AKAP11: variants seen among roughly 807,000 people sequenced by gnomAD.
The protein encoded by AKAP11 is A-kinase anchor protein 11.
AKAP11 carries 36 observed loss-of-function variants against 146.1 expected under a neutral mutation model. That is an observed-to-expected ratio of 0.25 (90% CI 0.19 to 0.33). The LOEUF (loss-of-function observed/expected upper bound fraction) is 0.33. AKAP11 is among the 10% of genes least tolerant of loss of function. AKAP11 has a pLI of 1.00. For synonymous variants in AKAP11, 780 were observed against 786.5 expected, an observed-to-expected ratio of 0.99 and a Z score of 0.14; for missense variants, 2,201 against 2,197.0, an observed-to-expected ratio of 1.00 and a Z score of -0.04.
At position 42,300,407 on chromosome 13, in the gene AKAP11, C is replaced by T; in HGVS notation, c.1661C>T (p.Ala554Val). 7.4e-6 allele frequency: 12 copies of T among 1,612,382 alleles called. No homozygotes were observed. Among genetic ancestry groups the T allele is most frequent in the Non-Finnish European group, 1.0e-5 (12 of 1,179,628 alleles). Residue 554 changes from alanine to valine, a missense_variant, in exon 8 of 13, where the codon GCA (alanine) becomes GTA (valine). Around this residue, in one of 3 missense-constraint regions of AKAP11, gnomAD observed 1,867 missense variants for 1,833.5 expected, o/e 1.02. Coordinates refer to ENST00000025301, the MANE Select transcript of AKAP11 (RefSeq NM_016248.4). ...LMIKDSIQKF[A>V]ADLVEKSFGS... The stretch of plus-strand genomic sequence containing the variant: ...ATTAAAGATAGCATTCAAAAATTTG[C>T]AGCAGATCTTGTGGAAAAAAGTTTT...
At chr13:42,283,283 A>T (rs1405892737) in intron 1 of AKAP11, among the ~76,000 whole-genome samples, 3 of 152,258 alleles carry the variant, frequency 2.0e-5, no homozygotes, top group South Asian at 4.1e-4. Context: ...AGTGAAACAG[A>T]GTGTAAATAT....
chr13:42,312,140 C>T (rs1459566818), intron 9 of AKAP11, among the ~76,000 whole-genome samples: 5 of 152,054 alleles, frequency 3.3e-5, no homozygotes, highest in Admixed American at 1.3e-4. Context: ...TGGGAAAAAT[C>T]GCTGCTTATC....
chr13:42,272,911 A>G lies in AKAP11; in HGVS notation c.-100+683A>G, dbSNP rs1262506078. 9.2e-5 allele frequency among the ~76,000 whole-genome samples: 14 copies of G among 152,378 alleles called. No individual in the cohort carries two copies. In the East Asian group the frequency reaches 2.7e-3, roughly 29 times the overall value. On this transcript the variant is annotated intron_variant, in intron 1 of 12. Coordinates refer to ENST00000025301, the MANE Select transcript of AKAP11 (RefSeq NM_016248.4). ...AAAAATATGTAGATGTAACCGAAGT[A>G]TTAAAAAGTGACAATGACAGTAAAA... is the stretch of plus-strand genomic sequence containing the variant.
rs367580025 is a variant in AKAP11, at chr13:42,320,052, C to T, written c.*824C>T. On this transcript the variant is annotated 3_prime_UTR_variant, in exon 13 of 13. Transcript: ENST00000025301. ...TTTAAAAAGGTGCTTTAAAATAAAA[C>T]GCCTATAAAGATTGTGCAGTAAGAA... The T allele has an allele frequency of 2.0e-5, 3 of 152,346 alleles. No individual in the cohort carries two copies. Among genetic ancestry groups the T allele is most frequent in the Non-Finnish European group, 4.4e-5 (3 of 68,002 alleles). The allele number at this position is 152,346 out of a possible 1,614,324, so 9.4% of individuals were successfully genotyped here. A position where few individuals can be genotyped will look rare whatever the true frequency, so the allele number is the denominator to read the frequency against.
At chr13:42,276,862 G>A (rs1176347723) in intron 1 of AKAP11, among the ~76,000 whole-genome samples, 1 of 152,088 alleles carries the variant, frequency 6.6e-6, no homozygotes, top group Non-Finnish European at 1.5e-5. Flanking sequence ...TGCCTTTTCA[G>A]CAATATACTC....
In AKAP11 at chr13:42,292,448, A is replaced by G. The variant is rs778827008; in HGVS notation, c.115A>G (p.Ser39Gly). The G allele has an allele frequency of 1.1e-5, 18 of 1,595,928 alleles. No homozygotes were observed. The highest frequency in any genetic ancestry group is 1.5e-5 in the Non-Finnish European group (17 of 1,167,500). Residue 39 changes from serine to glycine, a missense_variant, in exon 4 of 13, where the codon AGT (serine) becomes GGT (glycine). Transcript: ENST00000025301. ...ATTGCAGAGTCAGAAGGAACTATGC[A>G]GTGTAACAGCAGAGGACTGTTTACA... is the stretch of plus-strand genomic sequence containing the variant. The part of the protein sequence containing the change: ...SLLQSQKELC[S>G]VTAEDCLQQD...
chr13:42,307,692 G>A (rs1167550982), intron 8 of AKAP11, among the ~76,000 whole-genome samples: 1 of 152,090 alleles, frequency 6.6e-6, no homozygotes, highest in African/African-American at 2.4e-5. Context: ...CATAGGAGGA[G>A]TGGGCCAGGG....
In AKAP11 at chr13:42,275,292, A is replaced by G. The variant is rs183266460; in HGVS notation, c.-100+3064A>G. ...GATTTGCATGAGACTTTGGTTTGCC[A>G]TGATGCCAACATCAGACTCACTGAC... On this transcript the variant is annotated intron_variant, in intron 1 of 12. Coordinates refer to ENST00000025301, the MANE Select transcript of AKAP11 (RefSeq NM_016248.4). 1.4e-4 allele frequency among the ~76,000 whole-genome samples: 22 copies of G among 152,366 alleles called. No homozygotes were observed. In the East Asian group the frequency reaches 4.0e-3, roughly 28 times the overall value.
chr13:42,312,951 C>T, intron 9 of AKAP11, 96 bp from the exon 10 acceptor site: 1 of 964,716 alleles, frequency 1.0e-6, no homozygotes, highest in Non-Finnish European at 1.6e-6. Flanking sequence ...TTCAGAACAT[C>T]TGCAGTTATC....
chr13:42,301,635 A>G lies in AKAP11; in HGVS notation c.2889A>G (p.Lys963=). ...KSKSVIPNID[K]NAVYKESLPV... is the part of the protein sequence containing the mutation. ...AATCAGTGATCCCAAATATAGATAA[A>G]AATGCAGTATACAAGGAAAGCTTGC... Residue 963 remains lysine (K), a synonymous_variant, in exon 8 of 13, where the codon AAA becomes AAG. Coordinates refer to ENST00000025301, the MANE Select transcript of AKAP11 (RefSeq NM_016248.4). 1.9e-6 allele frequency: 3 copies of G among 1,614,114 alleles called. No individual in the cohort carries two copies. The highest frequency in any genetic ancestry group is 2.5e-6 in the Non-Finnish European group (3 of 1,180,002).
intron 1 of AKAP11, among the ~76,000 whole-genome samples, chr13:42,273,004 A>C (rs1474493545): frequency 6.6e-6 from 1 of 152,230 alleles, no homozygotes; most frequent in Non-Finnish European, 1.5e-5. Flanking sequence ...CTGTCTTCTA[A>C]AACCATATAA....
intron 1 of AKAP11, among the ~76,000 whole-genome samples, chr13:42,272,581 C>T (rs1228444949): frequency 6.6e-6 from 1 of 152,142 alleles, no homozygotes; most frequent in Non-Finnish European, 1.5e-5. Flanking sequence ...AGACGGCCCC[C>T]CGGGTGCGTG....
At chr13:42,297,422 A>G (rs1027053816) in intron 6 of AKAP11, among the ~76,000 whole-genome samples, 1 of 151,974 alleles carries the variant, frequency 6.6e-6, no homozygotes, top group African/African-American at 2.4e-5. Flanking sequence ...ATGGTATGCA[A>G]GTACATGTTA....
Position 42,299,411 on chromosome 13 carries a change from C to T in AKAP11, c.665C>T (p.Thr222Met), listed in dbSNP as rs367790495. The T allele has an allele frequency of 9.9e-5, 160 of 1,613,716 alleles. No individual in the cohort carries two copies. Among genetic ancestry groups the T allele is most frequent in the East Asian group, 1.6e-4 (7 of 44,874 alleles). Residue 222 changes from threonine to methionine, a missense_variant, in exon 8 of 13, where the codon ACG (threonine) becomes ATG (methionine). By Grantham distance (81) the Thr-to-Met change is moderately conservative. Transcript: ENST00000025301. Reference protein sequence around the residue: ...LRSQCDAASQTVTGHHLETHD... With the variant: ...LRSQCDAASQMVTGHHLETHD... ...AGCCAGTGTGATGCTGCTTCCCAGACGGTTACTGGTCATCATTTAGAAACC... is the reference window on the plus strand; with the variant it reads ...AGCCAGTGTGATGCTGCTTCCCAGATGGTTACTGGTCATCATTTAGAAACC...
intron 11 of AKAP11, among the ~76,000 whole-genome samples, chr13:42,315,251 T>C (rs773153211): frequency 2.8e-4 from 42 of 152,322 alleles, no homozygotes; most frequent in Middle Eastern, 3.4e-3. Context: ...AAGATTATTA[T>C]TTTTTAGTTT....
chr13:42,303,681 T>A lies in AKAP11; in HGVS notation c.4935T>A (p.Asp1645Glu), dbSNP rs1357513819. The change falls in exon 8 of 13, where the codon GAT (aspartate) becomes GAA (glutamate). Residue 1645 changes from aspartate to glutamate, a missense_variant. Physicochemically the swap from Asp to Glu is conservative, Grantham distance 45. Coordinates refer to ENST00000025301, the MANE Select transcript of AKAP11 (RefSeq NM_016248.4). ...TCCCTCAGATTCATGTTAATCTTGA[T>A]AAGAAGGCAGTGCTTGCTGAGAAGA... Reference protein sequence around the residue: ...LSVPQIHVNLDKKAVLAEKIV... With the variant: ...LSVPQIHVNLEKKAVLAEKIV... The A allele has an allele frequency of 3.7e-6, 6 of 1,614,186 alleles. No individual in the cohort carries two copies. Among genetic ancestry groups the A allele is most frequent in the Non-Finnish European group, 5.1e-6 (6 of 1,180,020 alleles).
At position 42,321,372 on chromosome 13, in the gene AKAP11, A is replaced by C. The variant is rs1341536184; in HGVS notation, c.*2144A>C. The stretch of plus-strand genomic sequence containing the variant: ...ATTTTGCTAGAGCTGTGCTGAGTTC[A>C]GCATTTGCTTATTTAACCACTACAT... On this transcript the variant is annotated 3_prime_UTR_variant, in exon 13 of 13. Coordinates refer to ENST00000025301, the MANE Select transcript of AKAP11 (RefSeq NM_016248.4). The C allele has an allele frequency of 6.6e-6, 1 of 152,342 alleles. No homozygotes were observed. Among genetic ancestry groups the C allele is most frequent in the African/African-American group, 2.4e-5 (1 of 41,452 alleles). 9.4% of individuals were successfully genotyped at this position (152,342 alleles called of 1,614,324 possible). A position where few individuals can be genotyped will look rare whatever the true frequency, so the allele number is the denominator to read the frequency against.
chr13:42,292,273 C>G (rs1959242327), intron 3 of AKAP11, 112 bp from the exon 4 acceptor site: 1 of 506,446 alleles, frequency 2.0e-6, no homozygotes, highest in African/African-American at 1.9e-5. Flanking sequence ...TCAAAAGGTG[C>G]CAGTGAATAT....
chr13:42,309,004 A>G lies in AKAP11; in HGVS notation c.5273+395A>G, dbSNP rs116598724. On this transcript the variant is annotated intron_variant, in intron 9 of 12. Transcript: ENST00000025301. Reference sequence around the variant, plus strand: ...TCAAAGTAGCCCTGTACTTTTCCTGACATTAGTTAAAATAGTATCTTTTTG... The same window carrying G: ...TCAAAGTAGCCCTGTACTTTTCCTGGCATTAGTTAAAATAGTATCTTTTTG... Among the ~76,000 whole-genome samples the G allele has an allele frequency of 5.6e-3, 855 of 152,248 alleles. 10 individuals are homozygous for G. The highest frequency in any genetic ancestry group is 0.019 in the African/African-American group (786 of 41,534).
Sources: gnomAD v4.1 joint callset for allele counts (sites outside exome capture counted in the v4.1 genomes callset) on GRCh38, gnomAD v4.1.1 for gene constraint, gnomAD v4.1.1 regional missense constraint, MANE v1.5 for transcripts, NCBI Gene and HGNC (gene_info 2026-07-23, HGNC 2026-07-21) for gene names.